Variants in SCYL2 observed in about 807,000 individuals in gnomAD.
SCYL2 encodes the protein SCY1-like protein 2.
In SCYL2, 36 loss-of-function variants were observed where a neutral mutation model predicts 100.4. The observed-to-expected ratio is 0.36, with a 90% CI of 0.27 to 0.47. The LOEUF (loss-of-function observed/expected upper bound fraction) is 0.47, where lower values mean the gene tolerates loss of function less well. Among genes scored for constraint, SCYL2 ranks in the 20% least tolerant of loss-of-function variants. The pLI, the probability that SCYL2 is intolerant of heterozygous loss-of-function variation, is 1.00. For missense variants in SCYL2, 902 were observed against 1,083.9 expected (o/e 0.83, Z 2.36); for synonymous variants, 330 against 359.2 (o/e 0.92, Z 0.92).
rs1304203226 is a variant in SCYL2, at chr12:100,311,073, C to T, written c.510C>T (p.Ser170=). The T allele has an allele frequency of 1.3e-6, 2 of 1,597,092 alleles. No individual in the cohort carries two copies. Among genetic ancestry groups the T allele is most frequent in the Admixed American group, 1.7e-5 (1 of 57,368 alleles). The change falls in exon 5 of 18, where the codon AGC becomes AGT. Residue 170 remains serine (S), a synonymous_variant. Transcript: ENST00000360820. ...QVSEGLSFLH[S]SVKMVHGNIT... ...CTGAAGGATTGTCATTCTTGCATAG[C>T]AGTGTGAAAATGGTGCATGGAAATA... is the stretch of plus-strand genomic sequence containing the variant.
chr12:100,294,043 G>A (rs1296281120), intron 3 of SCYL2, among the ~76,000 whole-genome samples: 12 of 150,774 alleles, frequency 8.0e-5, no homozygotes, highest in East Asian at 2.0e-4. Context: ...GAGCTGTTGG[G>A]CACACCTCCC....
In SCYL2 at chr12:100,331,652, G is replaced by GT. The variant is rs1035626940; in HGVS notation, c.1761+2341dup. Among the ~76,000 whole-genome samples, 6 of 151,600 alleles carry GT rather than the reference G, an allele frequency of 4.0e-5. No individual in the cohort carries two copies. The South Asian group carries it at 6.3e-4, about 16-fold the overall frequency. ...GTGTTAATTTACTTCAGCTTAGTGG[G>GT]TTTTTTTTGGGGTGGGGGGAGTGGC... On this transcript the variant is annotated intron_variant, in intron 13 of 17. Transcript: ENST00000360820.
Position 100,304,342 on chromosome 12 carries a change from A to C in SCYL2, c.480+6167A>C, listed in dbSNP as rs118021502. Among the ~76,000 whole-genome samples, 330 of 151,942 alleles carry C rather than the reference A, an allele frequency of 2.2e-3. 5 individuals carry two copies. The East Asian group carries it at 0.036, about 17-fold the overall frequency. ...CTGCAGCCAGCTCGGTGTCTGCCCA[A>C]ACGGCGCCCAGTTTTGTGCTTGAAA... On this transcript the variant is annotated intron_variant, in intron 4 of 17. Transcript: ENST00000360820.
chr12:100,314,367 T>C (rs577140729), intron 7 of SCYL2, 122 bp from the exon 8 acceptor site: 1 of 640,868 alleles, frequency 1.6e-6, no homozygotes, highest in East Asian at 3.2e-5. Flanking sequence ...ATTTCTAAGG[T>C]GATCTTCAGC....
At chr12:100,328,574 T>C (rs1205270576) in intron 12 of SCYL2, among the ~76,000 whole-genome samples, 1 of 152,176 alleles carries the variant, frequency 6.6e-6, no homozygotes, top group African/African-American at 2.4e-5. Context: ...CTTTGGATTA[T>C]ATACAAAACA....
intron 17 of SCYL2, among the ~76,000 whole-genome samples, chr12:100,338,200 A>G (rs899348501): frequency 2.6e-5 from 4 of 152,248 alleles, no homozygotes; most frequent in South Asian, 2.1e-4. Flanking sequence ...AATTCAAACT[A>G]TACAAATAAT....
intron 2 of SCYL2, among the ~76,000 whole-genome samples, chr12:100,284,581 G>C (rs921827400): frequency 6.6e-6 from 1 of 152,100 alleles, no homozygotes; most frequent in African/African-American, 2.4e-5. Flanking sequence ...TCCCACCTCA[G>C]CTTCCCAAGT....
intron 12 of SCYL2, 79 bp downstream of exon 12, chr12:100,326,833 C>T (rs558591405): frequency 1.7e-6 from 2 of 1,188,972 alleles, no homozygotes; most frequent in African/African-American, 1.5e-5. Context: ...ATTATACTCT[C>T]CTTTCGTGTA....
chr12:100,337,318 G>C, intron 16 of SCYL2, 69 bp from the exon 17 acceptor site: 2 of 1,582,432 alleles, frequency 1.3e-6, no homozygotes, highest in Non-Finnish European at 1.7e-6. Context: ...TACCCGAAGA[G>C]ATTATCTTTT....
In SCYL2 at chr12:100,283,126, C is replaced by T. The variant is rs757494427; in HGVS notation, c.156C>T (p.Gly52=). ...GNGLAWKIFN[G]TKKSTKQEVA... ...GGCTAGCTTGGAAGATTTTTAATGG[C>T]ACAAAAAAGTCAACAAAGCAGGTGA... is the stretch of plus-strand genomic sequence containing the variant. Residue 52 remains glycine (G), a synonymous_variant, in exon 2 of 18, where the codon GGC becomes GGT. Transcript: ENST00000360820. 40 of 1,603,370 alleles carry T rather than the reference C, an allele frequency of 2.5e-5. No homozygotes were observed. In the East Asian group the frequency reaches 9.0e-4, roughly 36 times the overall value.
intron 4 of SCYL2, among the ~76,000 whole-genome samples, chr12:100,301,926 G>A (rs1436554024): frequency 6.6e-6 from 1 of 152,204 alleles, no homozygotes; most frequent in African/African-American, 2.4e-5. Context: ...TACTATGTGG[G>A]TATCACTATT....
intron 12 of SCYL2, 70 bp from the exon 13 acceptor site, chr12:100,329,131 A>G: frequency 1.3e-6 from 1 of 777,772 alleles, no homozygotes; most frequent in African/African-American, 1.7e-5. Flanking sequence ...TCGTATACAT[A>G]TATTATTTTC....
At position 100,340,388 on chromosome 12, in the gene SCYL2, C is replaced by A. The variant is rs1952338049; in HGVS notation, c.*1216C>A. 1 of 152,084 alleles carries A rather than the reference C, an allele frequency of 6.6e-6. No individual in the cohort carries two copies. Among genetic ancestry groups the A allele is most frequent in the Non-Finnish European group, 1.5e-5 (1 of 67,964 alleles). 9.4% of individuals were successfully genotyped at this position (152,084 alleles called of 1,614,324 possible). A position where few individuals can be genotyped will look rare whatever the true frequency, so the allele number is the denominator to read the frequency against. On this transcript the variant is annotated 3_prime_UTR_variant, in exon 18 of 18. Coordinates refer to ENST00000360820, the MANE Select transcript of SCYL2 (RefSeq NM_017988.6). ...ATTTGCTGATTATTCAACCACAGAG[C>A]CTTATGCTATAAATGTCATTTGTAT...
chr12:100,302,308 G>T (rs2096328752), intron 4 of SCYL2, among the ~76,000 whole-genome samples: 1 of 152,158 alleles, frequency 6.6e-6, no homozygotes, highest in Non-Finnish European at 1.5e-5. Flanking sequence ...ATCCTAGTCA[G>T]TTGACTCTAA....
chr12:100,276,723 CCT>C (rs1279578967), intron 1 of SCYL2, among the ~76,000 whole-genome samples: 1 of 151,560 alleles, frequency 6.6e-6, no homozygotes, highest in African/African-American at 2.4e-5. Flanking sequence ...GGATTTTTTT[CCT>C]CTTTTTCATT....
intron 2 of SCYL2, among the ~76,000 whole-genome samples, chr12:100,286,565 A>G (rs2096304661): frequency 6.6e-6 from 1 of 152,098 alleles, no homozygotes. Context: ...GGGCTTCATA[A>G]CACCTCCCTG....
At position 100,338,828 on chromosome 12, in the gene SCYL2, A is replaced by G. The variant is rs757201291; in HGVS notation, c.2446A>G (p.Asn816Asp). The part of the protein sequence containing the change: ...MTLGTPPTLP[N>D]FNALSVPPAG... ...TCTGGGAACACCTCCCACTTTGCCA[A>G]ACTTCAATGCTTTGAGTGTTCCTCC... The change falls in exon 18 of 18, where the codon AAC (asparagine) becomes GAC (aspartate). Residue 816 changes from asparagine to aspartate, a missense_variant. Physicochemically the swap from Asn to Asp is conservative, Grantham distance 23. Transcript: ENST00000360820. 1.1e-5 allele frequency: 18 copies of G among 1,614,056 alleles called. No homozygotes were observed. The highest frequency in any genetic ancestry group is 1.7e-5 in the Admixed American group (1 of 60,008).
At chr12:100,291,154 G>A (rs1031903609) in intron 2 of SCYL2, among the ~76,000 whole-genome samples, 3 of 152,086 alleles carry the variant, frequency 2.0e-5, no homozygotes, top group Non-Finnish European at 4.4e-5. Context: ...TATACTTCAC[G>A]ATTATCATTG....
chr12:100,337,577 T>G (rs1417874742), intron 17 of SCYL2, 71 bp downstream of exon 17: 1 of 1,372,898 alleles, frequency 7.3e-7, no homozygotes. Flanking sequence ...TAGAACTTAG[T>G]CTACTAGTAT....
Sources: allele counts gnomAD v4.1 joint callset (sites outside exome capture counted in the v4.1 genomes callset), GRCh38; gene constraint gnomAD v4.1.1; transcripts MANE v1.5; gene names NCBI Gene and HGNC (gene_info 2026-07-23, HGNC 2026-07-21).